SGCD: variants seen among roughly 807,000 people sequenced by gnomAD.
SGCD encodes delta-sarcoglycan.
SGCD carries 18 observed loss-of-function variants against 36.6 expected under a neutral mutation model. That is an observed-to-expected ratio of 0.49 (90% CI 0.34 to 0.73). SGCD has a LOEUF of 0.73. Ranked by LOEUF, SGCD falls within the 30% of genes least tolerant of loss-of-function variation. The pLI is 0.01. For missense variants in SGCD, 387 were observed against 346.7 expected (o/e 1.12, Z -0.92); for synonymous variants, 133 against 130.6 (o/e 1.02, Z -0.12).
At chr5:156,242,879 G>A (rs571090332) in intron 3 of SGCD, among the ~76,000 whole-genome samples, 5 of 152,144 alleles carry the variant, frequency 3.3e-5, no homozygotes, top group Admixed American at 6.5e-5. Flanking sequence ...AACCTGAGAG[G>A]CAGATAGAGG....
intron 3 of SGCD, among the ~76,000 whole-genome samples, chr5:156,287,852 T>G (rs1766652195): frequency 1.3e-5 from 2 of 152,082 alleles, no homozygotes; most frequent in South Asian, 4.2e-4. Flanking sequence ...TGAGCTAGGA[T>G]CACATCACTA....
chr5:156,602,344 A>C (rs1561806969), intron 6 of SGCD, among the ~76,000 whole-genome samples: 1 of 150,518 alleles, frequency 6.6e-6, no homozygotes, highest in East Asian at 1.9e-4. Context: ...AATTCTAATA[A>C]TTTTTTTTTT....
chr5:156,051,570 G>T (rs998085789), intron 1 of SGCD, among the ~76,000 whole-genome samples: 2 of 146,154 alleles, frequency 1.4e-5, no homozygotes, highest in African/African-American at 2.5e-5. Flanking sequence ...ACAATTAATT[G>T]TTGAGCTCCA....
Position 156,637,966 on chromosome 5 carries a change from G to C in SGCD, c.503-9498G>C, listed in dbSNP as rs565270545. ...ATCTTCATCTCTCGTAAATGATTTTGTAAGTTTCTCCAATTATTTTTTAGA... is the reference window on the plus strand; with the variant it reads ...ATCTTCATCTCTCGTAAATGATTTTCTAAGTTTCTCCAATTATTTTTTAGA... On this transcript the variant is annotated intron_variant, in intron 6 of 8. Transcript: ENST00000337851. Among the ~76,000 whole-genome samples, 13 of 151,660 alleles carry C rather than the reference G, an allele frequency of 8.6e-5. No homozygotes were observed. The East Asian group carries it at 2.5e-3, about 29-fold the overall frequency.
intron 4 of SGCD, among the ~76,000 whole-genome samples, chr5:156,560,289 C>T (rs1759215977): frequency 6.6e-6 from 1 of 152,314 alleles, no homozygotes; most frequent in Non-Finnish European, 1.5e-5. Flanking sequence ...CCCGCAAGTT[C>T]TCAGCTGCAG....
At chr5:155,957,106 C>A (rs1351737062) in intron 1 of SGCD, among the ~76,000 whole-genome samples, 1 of 133,252 alleles carries the variant, frequency 7.5e-6, no homozygotes, top group Non-Finnish European at 1.5e-5. Context: ...AGGAAGACTT[C>A]ACTGAGAATG....
At chr5:156,592,569 G>T (rs565908081) in intron 5 of SGCD, among the ~76,000 whole-genome samples, 46 of 151,986 alleles carry the variant, frequency 3.0e-4, no homozygotes, top group African/African-American at 1.1e-3. Flanking sequence ...CAGATGTGCT[G>T]GCCCCAGCTC....
the SGCD span, among the ~76,000 whole-genome samples, chr5:155,824,039 G>A: frequency 6.6e-6 from 1 of 152,138 alleles, no homozygotes; most frequent in African/African-American, 2.4e-5. Flanking sequence ...GCTATAGAAA[G>A]CCAGAGAAAT....
At chr5:155,973,927 C>T (rs1398820842) in intron 1 of SGCD, among the ~76,000 whole-genome samples, 1 of 152,038 alleles carries the variant, frequency 6.6e-6, no homozygotes, top group Non-Finnish European at 1.5e-5. Flanking sequence ...ATGGTCTGGC[C>T]TCCAATGTAG....
chr5:155,877,655 C>T (rs1755794934), intron 1 of SGCD, among the ~76,000 whole-genome samples: 1 of 152,018 alleles, frequency 6.6e-6, no homozygotes, highest in Non-Finnish European at 1.5e-5. Context: ...TCCCAATGTA[C>T]TTAAGTAAAA....
intron 3 of SGCD, among the ~76,000 whole-genome samples, chr5:156,226,282 A>G (rs1171777808): frequency 1.3e-5 from 2 of 152,112 alleles, no homozygotes; most frequent in Admixed American, 6.6e-5. Flanking sequence ...TTGCATCCTC[A>G]TAGCTTAGCT....
intron 3 of SGCD, among the ~76,000 whole-genome samples, chr5:156,147,084 G>T (rs527717049): frequency 6.6e-6 from 1 of 152,260 alleles, no homozygotes; most frequent in African/African-American, 2.4e-5. Flanking sequence ...CTGGGTCAAA[G>T]AATGTTTAAA....
the SGCD span, among the ~76,000 whole-genome samples, chr5:155,743,669 T>C: frequency 6.6e-6 from 1 of 152,250 alleles, no homozygotes. Context: ...TGGGTTTCAA[T>C]GCACTGCTAG....
At chr5:156,252,566 T>G (rs1765609499) in intron 3 of SGCD, among the ~76,000 whole-genome samples, 1 of 152,192 alleles carries the variant, frequency 6.6e-6, no homozygotes, top group Non-Finnish European at 1.5e-5. Flanking sequence ...GGAATTCCTT[T>G]CGGACTGTTT....
intron 3 of SGCD, among the ~76,000 whole-genome samples, chr5:156,492,323 G>T (rs535221538): frequency 6.6e-6 from 1 of 152,126 alleles, no homozygotes; most frequent in Admixed American, 6.5e-5. Context: ...ATAAGGAATT[G>T]GCTCATGTGG....
At chr5:155,759,552 A>G in the SGCD span, among the ~76,000 whole-genome samples, 1 of 152,220 alleles carries the variant, frequency 6.6e-6, no homozygotes, top group Non-Finnish European at 1.5e-5. Flanking sequence ...ATCTTTAAAC[A>G]TGCACACTCC....
chr5:156,477,129 T>G (rs144635178), intron 3 of SGCD, among the ~76,000 whole-genome samples: 1 of 151,904 alleles, frequency 6.6e-6, no homozygotes, highest in East Asian at 1.9e-4. Context: ...CATTTCAGAG[T>G]CAGTGCTTTC....
intron 5 of SGCD, among the ~76,000 whole-genome samples, chr5:156,590,153 A>G (rs996229159): frequency 6.6e-6 from 1 of 152,226 alleles, no homozygotes; most frequent in Non-Finnish European, 1.5e-5. Flanking sequence ...AAGTATACGG[A>G]TGGACATTTT....
the SGCD span, among the ~76,000 whole-genome samples, chr5:155,765,538 G>C: frequency 6.6e-6 from 1 of 152,080 alleles, no homozygotes; most frequent in Non-Finnish European, 1.5e-5. Flanking sequence ...ATCTTCTACA[G>C]AGAAGAGAAA....
Sources: gnomAD v4.1 joint callset for allele counts (sites outside exome capture counted in the v4.1 genomes callset) on GRCh38, gnomAD v4.1.1 for gene constraint, MANE v1.5 for transcripts, NCBI Gene and HGNC (gene_info 2026-07-23, HGNC 2026-07-21) for gene names.